RFX8: variants seen among roughly 807,000 people sequenced by gnomAD.
The protein encoded by RFX8 is DNA-binding protein RFX8.
RFX8 carries 46 observed loss-of-function variants against 54.6 expected under a neutral mutation model. The ratio of observed to expected loss-of-function variants is 0.84; its 90% CI spans 0.67 to 1.08. RFX8 has a LOEUF of 1.08. Among genes scored for constraint, RFX8 ranks in the 50% least tolerant of loss-of-function variants. RFX8 has a pLI of 0.00. For synonymous variants in RFX8, 192 were observed against 209.5 expected (o/e 0.92, Z 0.72); for missense variants, 536 against 562.3 (o/e 0.95, Z 0.47).
chr2:101,470,674 T>C (rs1215420180), intron 1 of RFX8, among the ~76,000 whole-genome samples: 1 of 150,032 alleles, frequency 6.7e-6, no homozygotes, highest in Non-Finnish European at 1.5e-5. Context: ...AGAGCACAAA[T>C]ACTTAGCCAG....
At chr2:101,405,307 C>T (rs1339077126) in intron 10 of RFX8, among the ~76,000 whole-genome samples, 4 of 151,952 alleles carry the variant, frequency 2.6e-5, no homozygotes, top group South Asian at 2.1e-4. Flanking sequence ...CCACCGCGCC[C>T]GGCTAATTTT....
At chr2:101,448,183 C>A (rs967019958) in intron 2 of RFX8, among the ~76,000 whole-genome samples, 1 of 152,166 alleles carries the variant, frequency 6.6e-6, no homozygotes, top group Non-Finnish European at 1.5e-5. Flanking sequence ...ACATTCAAAC[C>A]ACAGCAGGAC....
intron 6 of RFX8, 94 bp from the exon 7 acceptor site, chr2:101,415,006 G>T: frequency 3.2e-6 from 3 of 944,354 alleles, no homozygotes; most frequent in Non-Finnish European, 4.8e-6. Flanking sequence ...GGGTAGGAAG[G>T]CACAGCTGGC....
intron 10 of RFX8, 75 bp downstream of exon 10, chr2:101,405,868 A>G: frequency 1.1e-6 from 1 of 870,102 alleles, no homozygotes. Context: ...CTACATAGCA[A>G]TACGCAAAAT....
chr2:101,441,146 A>G (rs1409849375), intron 2 of RFX8, among the ~76,000 whole-genome samples: 2 of 151,746 alleles, frequency 1.3e-5, no homozygotes, highest in Non-Finnish European at 2.9e-5. Flanking sequence ...TTGTTTTTGT[A>G]TTTTTAGTAC....
intron 2 of RFX8, among the ~76,000 whole-genome samples, chr2:101,445,301 C>A (rs1688309886): frequency 6.6e-6 from 1 of 151,770 alleles, no homozygotes; most frequent in Admixed American, 6.6e-5. Flanking sequence ...CAGATCTTCA[C>A]TTGGCTCCTT....
At chr2:101,469,055 CGTATATATATGTATATATATATAAGT>C (rs1558896433) in intron 1 of RFX8, among the ~76,000 whole-genome samples, 9 of 102,550 alleles carry the variant, frequency 8.8e-5, no homozygotes, top group African/African-American at 3.7e-4. Flanking sequence ...TATATATATA[CGTATATATATGTATATATATATAAGT>C]GTATATATAT....
intron 2 of RFX8, among the ~76,000 whole-genome samples, chr2:101,439,051 G>T (rs941157931): frequency 1.3e-5 from 2 of 152,140 alleles, no homozygotes; most frequent in African/African-American, 4.8e-5. Context: ...GACCTCAGGT[G>T]ATCCACCTGC....
chr2:101,447,367 A>G (rs920418065), intron 2 of RFX8, among the ~76,000 whole-genome samples: 1 of 152,182 alleles, frequency 6.6e-6, no homozygotes, highest in African/African-American at 2.4e-5. Context: ...GTAACAAAAT[A>G]CCTTAGACTG....
chr2:101,453,785 A>G (rs66675251), intron 2 of RFX8, among the ~76,000 whole-genome samples: 52,521 of 152,072 alleles, frequency 0.35, 9,751 homozygotes, highest in African/African-American at 0.44. Context: ...CTGGAAGCAG[A>G]GAATTATGAA....
rs1491510932 is a variant in RFX8 at position 101,469,137 on chromosome 2, A to ATACAC, written c.-52-2238_-52-2237insGTGTA. Among the ~76,000 whole-genome samples, 9 of 116,956 alleles carry ATACAC rather than the reference A, an allele frequency of 7.7e-5. No individual in the cohort carries two copies. In the East Asian group the frequency reaches 1.2e-3, roughly 15 times the overall value. The allele number at this position is 116,956 out of a possible 152,430, so 76.7% of individuals were successfully genotyped here. A position where few individuals can be genotyped will look rare whatever the true frequency, so the allele number is the denominator to read the frequency against. ...ATATATATATAAGTATATATATATA[A>ATACAC]GTATATATATATATATACACACACA... On this transcript the variant is annotated intron_variant, in intron 1 of 11. Coordinates refer to ENST00000428343, the MANE Select transcript of RFX8 (RefSeq NM_001145664.2).
At chr2:101,435,612 T>A (rs1442507543) in intron 2 of RFX8, among the ~76,000 whole-genome samples, 5 of 152,100 alleles carry the variant, frequency 3.3e-5, no homozygotes, top group Non-Finnish European at 7.4e-5. Context: ...TAGACAATAA[T>A]AAAATATTTT....
intron 5 of RFX8, among the ~76,000 whole-genome samples, 181 bp from the exon 6 acceptor site, chr2:101,417,865 A>C (rs1686625808): frequency 6.6e-6 from 1 of 152,126 alleles, no homozygotes; most frequent in Admixed American, 6.6e-5. Context: ...AGGCTGGTGC[A>C]GCCACAGTTG....
At chr2:101,435,056 C>G (rs1284159407) in intron 2 of RFX8, 1 of 152,300 alleles carries the variant, frequency 6.6e-6, no homozygotes, top group African/African-American at 2.4e-5. Flanking sequence ...CCTGTGAACC[C>G]GCTCGCCGCC....
chr2:101,406,088 A>C, intron 9 of RFX8, 31 bp from the exon 10 acceptor site: 1 of 1,296,866 alleles, frequency 7.7e-7, no homozygotes, highest in Non-Finnish European at 1.1e-6. Flanking sequence ...AAAAGGCTGC[A>C]GTTTGTAATA....
At chr2:101,408,433 C>T (rs1010127602) in intron 9 of RFX8, among the ~76,000 whole-genome samples, 4 of 151,094 alleles carry the variant, frequency 2.6e-5, no homozygotes, top group African/African-American at 7.3e-5. Flanking sequence ...TGCAGTGAGC[C>T]GAGATCGCGC....
chr2:101,473,331 T>A (rs1690115960), intron 1 of RFX8, among the ~76,000 whole-genome samples: 1 of 152,158 alleles, frequency 6.6e-6, no homozygotes, highest in Non-Finnish European at 1.5e-5. Context: ...GGGGCCTGGG[T>A]CGGTGAGTGT....
chr2:101,469,034 ATATATAT>A lies in RFX8; in HGVS notation c.-52-2141_-52-2135del, dbSNP rs1170151672. 7.0e-3 allele frequency among the ~76,000 whole-genome samples: 396 copies of A among 56,394 alleles called. 29 individuals carry two copies. The East Asian group carries it at 0.092, about 13-fold the overall frequency. 37.0% of individuals were successfully genotyped at this position (56,394 alleles called of 152,430 possible). A position where few individuals can be genotyped will look rare whatever the true frequency, so the allele number is the denominator to read the frequency against. On this transcript the variant is annotated intron_variant, in intron 1 of 11. Coordinates refer to ENST00000428343, the MANE Select transcript of RFX8 (RefSeq NM_001145664.2). ...TATATATAGGTATATATATATACGT[ATATATAT>A]GTATATATATATACGTATATATATG...
At chr2:101,430,735 A>G (rs926336739) in intron 2 of RFX8, among the ~76,000 whole-genome samples, 2 of 151,962 alleles carry the variant, frequency 1.3e-5, no homozygotes, top group African/African-American at 4.8e-5. Flanking sequence ...AGGTGTGACA[A>G]TTATGCAGTT....
Sources: allele counts gnomAD v4.1 joint callset (sites outside exome capture counted in the v4.1 genomes callset), GRCh38; gene constraint gnomAD v4.1.1; transcripts MANE v1.5; gene names NCBI Gene and HGNC (gene_info 2026-07-23, HGNC 2026-07-21).